Variants in ELMO1 observed in about 807,000 individuals in gnomAD.
ELMO1 encodes engulfment and cell motility 1.
ELMO1 carries 26 observed loss-of-function variants against 98.9 expected under a neutral mutation model. That is an observed-to-expected ratio of 0.26 (90% CI 0.19 to 0.36). ELMO1 has a LOEUF of 0.36. ELMO1 is among the 10% of genes least tolerant of loss of function. The pLI is 1.00. For missense variants in ELMO1, 627 were observed against 935.2 expected, an observed-to-expected ratio of 0.67 and a Z score of 4.30; for synonymous variants, 346 against 346.0, an observed-to-expected ratio of 1.00 and a Z score of 0.00.
chr7:37,367,762 A>G (rs191469921), intron 1 of ELMO1, among the ~76,000 whole-genome samples: 164 of 152,308 alleles, frequency 1.1e-3, no homozygotes, highest in African/African-American at 3.5e-3. Context: ...CAAACAAACA[A>G]AAGACACTGG....
chr7:37,320,579 T>C (rs1295562325), intron 2 of ELMO1, among the ~76,000 whole-genome samples: 3 of 152,202 alleles, frequency 2.0e-5, no homozygotes, highest in Non-Finnish European at 4.4e-5. Context: ...TCTCCCTAAA[T>C]AGATGTAATT....
At chr7:37,238,563 C>T (rs929481382) in intron 7 of ELMO1, among the ~76,000 whole-genome samples, 1 of 152,108 alleles carries the variant, frequency 6.6e-6, no homozygotes, top group African/African-American at 2.4e-5. Context: ...TGACTTACTG[C>T]AATAGCTAAG....
chr7:37,396,768 C>T lies in ELMO1; in HGVS notation c.-74+51907G>A, dbSNP rs1392620107. 2.0e-5 allele frequency among the ~76,000 whole-genome samples: 3 copies of T among 152,312 alleles called. No individual in the cohort carries two copies. The East Asian group carries it at 5.8e-4, about 29-fold the overall frequency. ...GACATTGAAGGGACATGCAGTTATA[C>T]TTTTGCCTATTTGCCTATTTCCAAG... is the stretch of plus-strand genomic sequence containing the variant. On this transcript the variant is annotated intron_variant, in intron 1 of 21. Coordinates refer to ENST00000310758, the MANE Select transcript of ELMO1 (RefSeq NM_014800.11).
At chr7:36,972,063 C>T (rs73342258) in intron 16 of ELMO1, among the ~76,000 whole-genome samples, 14,241 of 152,148 alleles carry the variant, frequency 0.094, 1,035 homozygotes, top group East Asian at 0.24. Flanking sequence ...TGGCAATGAA[C>T]GTTTCATTGT....
Position 37,173,662 on chromosome 7 carries a change from C to G in ELMO1, c.1086+37724G>C, listed in dbSNP as rs985749297. ...ATGGCAGCGTCTTGAGGAGATGTAA[C>G]TCAAAACAGAAACCCAAGGTGAAAT... On this transcript the variant is annotated intron_variant, in intron 13 of 21. Transcript: ENST00000310758. Among the ~76,000 whole-genome samples, 7 of 152,230 alleles carry G rather than the reference C, an allele frequency of 4.6e-5. No homozygotes were observed. The South Asian group carries it at 1.2e-3, about 27-fold the overall frequency.
chr7:37,180,896 C>G (rs1466090994), intron 13 of ELMO1, among the ~76,000 whole-genome samples: 1 of 151,944 alleles, frequency 6.6e-6, no homozygotes, highest in African/African-American at 2.4e-5. Context: ...AAAACATCAA[C>G]AGTGAATATA....
At chr7:37,043,383 C>G (rs1032291769) in intron 15 of ELMO1, among the ~76,000 whole-genome samples, 1 of 152,128 alleles carries the variant, frequency 6.6e-6, no homozygotes, top group African/African-American at 2.4e-5. Flanking sequence ...AAATCACCTG[C>G]ATTTAAGAAT....
At chr7:37,286,769 T>C (rs988986610) in intron 4 of ELMO1, among the ~76,000 whole-genome samples, 11 of 152,206 alleles carry the variant, frequency 7.2e-5, no homozygotes, top group Non-Finnish European at 1.0e-4. Flanking sequence ...TCTTTCTCTT[T>C]TTTTCCTAGT....
At chr7:37,248,858 G>C (rs540781005) in intron 6 of ELMO1, among the ~76,000 whole-genome samples, 1 of 152,382 alleles carries the variant, frequency 6.6e-6, no homozygotes, top group South Asian at 2.1e-4. Flanking sequence ...ATAAGTTAGA[G>C]CTGATCATCT....
At position 37,342,750 on chromosome 7, in the gene ELMO1, A is replaced by G; in HGVS notation, c.-60T>C. On this transcript the variant is annotated 5_prime_UTR_variant, in exon 2 of 22. Coordinates refer to ENST00000310758, the MANE Select transcript of ELMO1 (RefSeq NM_014800.11). This position sits in a 1 kb window ranked among gnomAD's most constrained non-coding sequence, Gnocchi z 4.3. ...TGAGGATCCTACAGCGTAAACGGCCACACGTGTCTATACCTAATGAGGAAT... is the reference window on the plus strand; with the variant it reads ...TGAGGATCCTACAGCGTAAACGGCCGCACGTGTCTATACCTAATGAGGAAT... The G allele has an allele frequency of 7.0e-7, 1 of 1,438,820 alleles. No homozygotes were observed. The highest frequency in any genetic ancestry group is 9.6e-7 in the Non-Finnish European group (1 of 1,044,470). The allele number at this position is 1,438,820 out of a possible 1,614,324, so 89.1% of individuals were successfully genotyped here.
chr7:37,223,220 T>C (rs1258549051), intron 9 of ELMO1, among the ~76,000 whole-genome samples: 3 of 152,204 alleles, frequency 2.0e-5, no homozygotes, highest in African/African-American at 7.2e-5. Flanking sequence ...TGATTTTCAC[T>C]GGAAAGGAAC....
intron 13 of ELMO1, among the ~76,000 whole-genome samples, chr7:37,167,800 T>C (rs1789827442): frequency 6.7e-6 from 1 of 150,326 alleles, no homozygotes; most frequent in African/African-American, 2.4e-5. Context: ...CTTTGGTGAA[T>C]CTGACAATTA....
intron 16 of ELMO1, among the ~76,000 whole-genome samples, chr7:36,934,091 G>A (rs1786290498): frequency 6.6e-6 from 1 of 152,198 alleles, no homozygotes; most frequent in African/African-American, 2.4e-5. Flanking sequence ...CAAGAGGGCT[G>A]GGTTGAGGGT....
At chr7:37,392,445 A>G (rs1009519738) in intron 1 of ELMO1, among the ~76,000 whole-genome samples, 12 of 152,252 alleles carry the variant, frequency 7.9e-5, no homozygotes, top group Non-Finnish European at 1.5e-4. Context: ...ACTTGGTGAC[A>G]ACCTAGCTGA....
At chr7:37,377,843 C>A (rs1196198931) in intron 1 of ELMO1, among the ~76,000 whole-genome samples, 1 of 152,156 alleles carries the variant, frequency 6.6e-6, no homozygotes, top group African/African-American at 2.4e-5. Flanking sequence ...AAAAGCACAA[C>A]AGGGCCTGCT....
chr7:37,355,483 G>T (rs983631591), intron 1 of ELMO1, among the ~76,000 whole-genome samples: 5 of 152,204 alleles, frequency 3.3e-5, no homozygotes, highest in Admixed American at 3.3e-4. Flanking sequence ...AAGAGCTATG[G>T]CACTAGAAAG....
chr7:37,207,449 T>C (rs903953006), intron 13 of ELMO1, among the ~76,000 whole-genome samples: 5 of 150,614 alleles, frequency 3.3e-5, no homozygotes, highest in African/African-American at 1.2e-4. Context: ...CTATTCAGGA[T>C]GCTGAGGCAG....
chr7:37,307,456 C>T (rs894108784), intron 4 of ELMO1, among the ~76,000 whole-genome samples: 2 of 152,120 alleles, frequency 1.3e-5, no homozygotes, highest in Non-Finnish European at 2.9e-5. Flanking sequence ...TGAGGCCTAC[C>T]CAGCCCTGCG....
rs536081433 is a variant in ELMO1 at position 37,431,777 on chromosome 7, C to A, written c.-74+16898G>T. ...GGAACTAATGGACAATGGCTCTGAACTAACACTAATTTCAGAATACTCAAA... is the reference window on the plus strand; with the variant it reads ...GGAACTAATGGACAATGGCTCTGAAATAACACTAATTTCAGAATACTCAAA... On this transcript the variant is annotated intron_variant, in intron 1 of 21. Coordinates refer to ENST00000310758, the MANE Select transcript of ELMO1 (RefSeq NM_014800.11). 2.2e-4 allele frequency among the ~76,000 whole-genome samples: 34 copies of A among 152,354 alleles called. 1 individual carries two copies. The highest frequency in any genetic ancestry group is 8.2e-4 in the African/African-American group (34 of 41,590).
Sources: gnomAD v4.1 joint callset for allele counts (sites outside exome capture counted in the v4.1 genomes callset) on GRCh38, gnomAD v4.1.1 for gene constraint, Gnocchi (gnomAD v3.1) non-coding constraint, MANE v1.5 for transcripts, NCBI Gene and HGNC (gene_info 2026-07-23, HGNC 2026-07-21) for gene names.